The following BNC2 variants were observed in gnomAD, a reference collection of about 807,000 sequenced individuals.
BNC2 encodes basonuclin zinc finger protein 2.
BNC2 carries 20 observed loss-of-function variants against 76.3 expected under a neutral mutation model. The ratio of observed to expected loss-of-function variants is 0.26; its 90% CI spans 0.18 to 0.38. The LOEUF is 0.38. Ranked by LOEUF, BNC2 falls within the 10% of genes least tolerant of loss-of-function variation. The probability of loss-of-function intolerance (pLI) is 1.00; values close to 1 mark genes in which losing one functional copy is unlikely to be tolerated. For missense variants in BNC2, 1,382 were observed against 1,399.8 expected, an observed-to-expected ratio of 0.99 and a Z score of 0.20; for synonymous variants, 582 against 514.8, an observed-to-expected ratio of 1.13 and a Z score of -1.77.
chr9:16,706,407 C>T (rs150886810), intron 3 of BNC2, among the ~76,000 whole-genome samples: 1 of 152,294 alleles, frequency 6.6e-6, no homozygotes, highest in African/African-American at 2.4e-5. Flanking sequence ...TGAGCTACAG[C>T]CAGGTGAGCT....
chr9:16,427,265 GT>G (rs1218185932), intron 6 of BNC2, among the ~76,000 whole-genome samples: 2 of 152,220 alleles, frequency 1.3e-5, no homozygotes, highest in East Asian at 1.9e-4. Flanking sequence ...TATTAGTGAA[GT>G]TATAATGGCC....
chr9:16,683,639 T>C (rs761156133), intron 3 of BNC2, among the ~76,000 whole-genome samples: 1 of 152,200 alleles, frequency 6.6e-6, no homozygotes, highest in African/African-American at 2.4e-5. Flanking sequence ...ATGGCAAGAA[T>C]GAAAGCAGTC....
Position 16,491,097 on chromosome 9 carries a change from A to G in BNC2, c.670-53573T>C, listed in dbSNP as rs182570309. On this transcript the variant is annotated intron_variant, in intron 5 of 6. Coordinates refer to ENST00000380672, the MANE Select transcript of BNC2 (RefSeq NM_017637.6). ...GGGTTCCCACAGGGCATAAAAGAATAGAGACTGATACCTGAAATGAGGATG... is the reference window on the plus strand; with the variant it reads ...GGGTTCCCACAGGGCATAAAAGAATGGAGACTGATACCTGAAATGAGGATG... 2.2e-4 allele frequency among the ~76,000 whole-genome samples: 34 copies of G among 152,346 alleles called. No individual in the cohort carries two copies. In the East Asian group the frequency reaches 6.6e-3, roughly 29 times the overall value.
intron 1 of BNC2, among the ~76,000 whole-genome samples, chr9:16,844,070 G>C (rs1026632962): frequency 6.6e-6 from 1 of 151,920 alleles, no homozygotes; most frequent in South Asian, 2.1e-4. Context: ...GACCAGCCTG[G>C]GCAACATAGT....
At chr9:16,610,623 A>C (rs1162663631) in intron 3 of BNC2, among the ~76,000 whole-genome samples, 3 of 152,190 alleles carry the variant, frequency 2.0e-5, no homozygotes, top group Non-Finnish European at 4.4e-5. Flanking sequence ...ATCTGCTTTT[A>C]AAATGTCATC....
At chr9:16,833,044 T>C (rs146608067) in intron 1 of BNC2, among the ~76,000 whole-genome samples, 4 of 151,230 alleles carry the variant, frequency 2.6e-5, no homozygotes, top group African/African-American at 9.7e-5. Context: ...CTTATTACAG[T>C]CCAGGAATCA....
chr9:16,539,854 G>A (rs556396855), intron 5 of BNC2, among the ~76,000 whole-genome samples: 3 of 150,924 alleles, frequency 2.0e-5, no homozygotes, highest in Admixed American at 6.6e-5. Context: ...GAAGGGAAAG[G>A]AAAGCAAAGG....
intron 3 of BNC2, among the ~76,000 whole-genome samples, chr9:16,706,795 G>T (rs1409046809): frequency 3.3e-5 from 5 of 152,288 alleles, no homozygotes; most frequent in African/African-American, 1.2e-4. Context: ...TACTTGACTG[G>T]GGGGAGGGGA....
chr9:16,555,613 G>A (rs1469282424), intron 4 of BNC2, among the ~76,000 whole-genome samples: 1 of 151,846 alleles, frequency 6.6e-6, no homozygotes, highest in Non-Finnish European at 1.5e-5. Flanking sequence ...GGGCAATGCG[G>A]TGAAACTCCC....
chr9:16,842,459 A>C (rs986445978), intron 1 of BNC2, among the ~76,000 whole-genome samples: 1 of 152,190 alleles, frequency 6.6e-6, no homozygotes, highest in Non-Finnish European at 1.5e-5. Context: ...TGGGTCAAAA[A>C]GTAAAAGATG....
At chr9:16,526,584 T>G (rs971090419) in intron 5 of BNC2, among the ~76,000 whole-genome samples, 1 of 149,092 alleles carries the variant, frequency 6.7e-6, no homozygotes, top group Non-Finnish European at 1.5e-5. Flanking sequence ...CAAAGAAATG[T>G]CCATTAGTCA....
intron 1 of BNC2, among the ~76,000 whole-genome samples, chr9:16,813,801 GTTTTTTGT>G (rs1263358359): frequency 6.6e-6 from 1 of 152,074 alleles, no homozygotes; most frequent in Non-Finnish European, 1.5e-5. Flanking sequence ...CACTTGGTTG[GTTTTTTGT>G]TTTTTTGTTT....
chr9:16,782,616 C>T (rs1300558861), intron 1 of BNC2, among the ~76,000 whole-genome samples: 1 of 152,104 alleles, frequency 6.6e-6, no homozygotes, highest in Non-Finnish European at 1.5e-5. Flanking sequence ...AATAAAGAGG[C>T]AGAGGTGTCA....
At chr9:16,621,846 T>A (rs1276445778) in intron 3 of BNC2, among the ~76,000 whole-genome samples, 4 of 152,210 alleles carry the variant, frequency 2.6e-5, no homozygotes, top group Non-Finnish European at 5.9e-5. Flanking sequence ...TCATATTGAT[T>A]ATATATTTTT....
intron 5 of BNC2, among the ~76,000 whole-genome samples, chr9:16,500,627 G>A (rs1365534891): frequency 3.3e-5 from 5 of 152,040 alleles, no homozygotes; most frequent in Admixed American, 1.3e-4. Flanking sequence ...TCTTCTATAT[G>A]CGCTTGCAAA....
chr9:16,718,348 G>T (rs1047575697), intron 3 of BNC2, among the ~76,000 whole-genome samples: 19 of 152,210 alleles, frequency 1.2e-4, no homozygotes, highest in African/African-American at 4.6e-4. Flanking sequence ...CATTATAATA[G>T]ATGACAAAAA....
chr9:16,846,139 C>CAA (rs35798416), intron 1 of BNC2, among the ~76,000 whole-genome samples: 3 of 109,638 alleles, frequency 2.7e-5, no homozygotes, highest in African/African-American at 3.1e-5. Flanking sequence ...GACACCGTCT[C>CAA]AAAAAAAAAA....
In BNC2 at chr9:16,727,690, A is replaced by G; in HGVS notation, c.330+107T>C. The G allele has an allele frequency of 5.0e-6, 5 of 993,090 alleles. No individual in the cohort carries two copies. The South Asian group carries it at 7.9e-5, about 16-fold the overall frequency. 61.5% of individuals were successfully genotyped at this position (993,090 alleles called of 1,614,324 possible). ...AAGAGCCTAACTAGGAAGTGACCAC[A>G]TTTTAAAAAGTATTTAGAAAGAAAA... is the stretch of plus-strand genomic sequence containing the variant. On this transcript the variant is annotated intron_variant, in intron 3 of 6. Transcript: ENST00000380672.
chr9:16,518,618 T>A (rs954113214), intron 5 of BNC2, among the ~76,000 whole-genome samples: 2 of 151,716 alleles, frequency 1.3e-5, no homozygotes, highest in African/African-American at 4.9e-5. Context: ...GTTTTTTGTT[T>A]TTTGTTTTGT....
Sources: gnomAD v4.1 joint callset for allele counts (sites outside exome capture counted in the v4.1 genomes callset) on GRCh38, gnomAD v4.1.1 for gene constraint, MANE v1.5 for transcripts, NCBI Gene and HGNC (gene_info 2026-07-23, HGNC 2026-07-21) for gene names.